ATP11B: variants seen among roughly 807,000 people sequenced by gnomAD.
ATP11B encodes the protein ATPase phospholipid transporting 11B (putative).
ATP11B carries 81 observed loss-of-function variants against 157.8 expected under a neutral mutation model. The ratio of observed to expected loss-of-function variants is 0.51; its 90% CI spans 0.43 to 0.62. ATP11B has a LOEUF of 0.62. Among genes scored for constraint, ATP11B ranks in the 20% least tolerant of loss-of-function variants. The pLI is 0.00. For synonymous variants in ATP11B, 451 were observed against 469.4 expected, an observed-to-expected ratio of 0.96 and a Z score of 0.51; for missense variants, 1,165 against 1,402.2, an observed-to-expected ratio of 0.83 and a Z score of 2.70.
chr3:182,865,963 G>A (rs1042148116), intron 13 of ATP11B, among the ~76,000 whole-genome samples: 4 of 152,132 alleles, frequency 2.6e-5, no homozygotes, highest in African/African-American at 9.7e-5. Flanking sequence ...GCCTTGAAGT[G>A]AAGAAGACTT....
intron 24 of ATP11B, among the ~76,000 whole-genome samples, chr3:182,888,859 T>C (rs1317316871): frequency 6.8e-5 from 5 of 73,952 alleles, no homozygotes; most frequent in African/African-American, 2.4e-4. Context: ...ATCATATTTC[T>C]TTTTTTTTTT....
chr3:182,913,606 A>G (rs1237552474), intron 28 of ATP11B, among the ~76,000 whole-genome samples: 1 of 152,324 alleles, frequency 6.6e-6, no homozygotes, highest in East Asian at 1.9e-4. Context: ...TTAAAAGTAG[A>G]TTTACATAAT....
intron 1 of ATP11B, among the ~76,000 whole-genome samples, chr3:182,805,760 C>G (rs143716726): frequency 6.6e-4 from 101 of 151,886 alleles, no homozygotes; most frequent in Non-Finnish European, 1.2e-3. Context: ...CGCACTGGGC[C>G]GCTTGTTTTT....
intron 10 of ATP11B, among the ~76,000 whole-genome samples, chr3:182,854,168 A>T (rs1720192326): frequency 6.6e-6 from 1 of 152,304 alleles, no homozygotes; most frequent in Non-Finnish European, 1.5e-5. Context: ...TAAAAGCTAA[A>T]ATTACAAAAC....
intron 17 of ATP11B, among the ~76,000 whole-genome samples, chr3:182,869,965 A>G (rs986413686): frequency 6.6e-6 from 1 of 152,226 alleles, no homozygotes; most frequent in African/African-American, 2.4e-5. Flanking sequence ...ACATGGACGA[A>G]TCTTGAAAAG....
At chr3:182,887,169 G>A (rs1365421906) in intron 23 of ATP11B, among the ~76,000 whole-genome samples, 3 of 152,166 alleles carry the variant, frequency 2.0e-5, no homozygotes, top group Non-Finnish European at 4.4e-5. Context: ...CTTGTTCAGT[G>A]CCTTAAAGGA....
chr3:182,818,889 A>G (rs1717132414), intron 1 of ATP11B, among the ~76,000 whole-genome samples: 2 of 150,920 alleles, frequency 1.3e-5, no homozygotes, highest in Non-Finnish European at 3.0e-5. Context: ...GCTTAGTAGT[A>G]CTAGTAAATA....
rs187627498 is a variant in ATP11B, at chr3:182,915,757, T to C, written c.3452+1763T>C. 4.5e-4 allele frequency: 443 copies of C among 985,320 alleles called. 2 individuals are homozygous for C. In the African/African-American group the frequency reaches 7.1e-3, roughly 16 times the overall value. 61.0% of individuals were successfully genotyped at this position (985,320 alleles called of 1,614,324 possible). A position where few individuals can be genotyped will look rare whatever the true frequency, so the allele number is the denominator to read the frequency against. On this transcript the variant is annotated intron_variant, in intron 29 of 29. Coordinates refer to ENST00000323116, the MANE Select transcript of ATP11B (RefSeq NM_014616.3). Reference sequence around the variant, plus strand: ...CATTTTGATGCAGCATTACCTCTTTTGAACCTGCCCCAGGAGTTATTGAAT... The same window carrying C: ...CATTTTGATGCAGCATTACCTCTTTCGAACCTGCCCCAGGAGTTATTGAAT...
intron 2 of ATP11B, among the ~76,000 whole-genome samples, chr3:182,826,642 C>T (rs1348433984): frequency 6.6e-6 from 1 of 152,168 alleles, no homozygotes; most frequent in Admixed American, 6.5e-5. Context: ...CTGCTGCCGC[C>T]ACTACTCAGG....
chr3:182,857,810 A>G (rs958025959), intron 10 of ATP11B, 68 bp from the exon 11 acceptor site: 3 of 999,808 alleles, frequency 3.0e-6, no homozygotes, highest in Non-Finnish European at 4.5e-6. Context: ...TACAAGTACT[A>G]ATTTTCAAGC....
chr3:182,812,119 T>C (rs1716705714), intron 1 of ATP11B, among the ~76,000 whole-genome samples: 5 of 152,204 alleles, frequency 3.3e-5, no homozygotes, highest in Admixed American at 3.3e-4. Context: ...TTTAATGTTG[T>C]TTAGAATTTT....
chr3:182,842,658 A>G (rs1247575597), intron 8 of ATP11B, among the ~76,000 whole-genome samples: 1 of 152,088 alleles, frequency 6.6e-6, no homozygotes, highest in Non-Finnish European at 1.5e-5. Flanking sequence ...CTTGGGGTGA[A>G]AGGAGGGCAG....
At chr3:182,854,201 G>A (rs1720194574) in intron 10 of ATP11B, among the ~76,000 whole-genome samples, 1 of 152,210 alleles carries the variant, frequency 6.6e-6, no homozygotes, top group Non-Finnish European at 1.5e-5. Flanking sequence ...TGGGCGCGGT[G>A]GCTCACACCA....
intron 28 of ATP11B, among the ~76,000 whole-genome samples, chr3:182,899,617 C>A (rs1723812526): frequency 6.6e-6 from 1 of 152,036 alleles, no homozygotes. Context: ...TTACATAGTG[C>A]TTAAGAATCT....
rs182946215 is a variant in ATP11B, at chr3:182,795,716, C to T, written c.27+1930C>T. Among the ~76,000 whole-genome samples the T allele has an allele frequency of 3.5e-4, 54 of 152,276 alleles. No individual in the cohort carries two copies. In the East Asian group the frequency reaches 9.6e-3, roughly 27 times the overall value. ...GTCTCTGGTTAAGTTTGTATGATCACATAAATTAAACATCAAGGACCCTGG... is the reference window on the plus strand; with the variant it reads ...GTCTCTGGTTAAGTTTGTATGATCATATAAATTAAACATCAAGGACCCTGG... On this transcript the variant is annotated intron_variant, in intron 1 of 29. Transcript: ENST00000323116.
intron 11 of ATP11B, 103 bp from the exon 12 acceptor site, chr3:182,859,059 G>T: frequency 1.4e-6 from 1 of 692,150 alleles, no homozygotes. Context: ...GAATATAGTT[G>T]ATGGTCTATG....
At position 182,916,470 on chromosome 3, in the gene ATP11B, A is replaced by G. The variant is rs951216941; in HGVS notation, c.3453-1553A>G. On this transcript the variant is annotated intron_variant, in intron 29 of 29. Coordinates refer to ENST00000323116, the MANE Select transcript of ATP11B (RefSeq NM_014616.3). ...TACATTTTATTAATTGATGTTGTCAATGAAGTATCCCATATTGCAAGCTCA... is the reference window on the plus strand; with the variant it reads ...TACATTTTATTAATTGATGTTGTCAGTGAAGTATCCCATATTGCAAGCTCA... The G allele has an allele frequency of 1.6e-5, 16 of 985,258 alleles. 1 individual carries two copies. The Admixed American group carries it at 3.1e-4, about 19-fold the overall frequency. 61.0% of individuals were successfully genotyped at this position (985,258 alleles called of 1,614,324 possible). A position where few individuals can be genotyped will look rare whatever the true frequency, so the allele number is the denominator to read the frequency against.
At chr3:182,850,890 G>C (rs1719924529) in intron 10 of ATP11B, among the ~76,000 whole-genome samples, 1 of 152,198 alleles carries the variant, frequency 6.6e-6, no homozygotes, top group South Asian at 2.1e-4. Flanking sequence ...AAAAAAAAAG[G>C]TATACATACC....
intron 26 of ATP11B, 53 bp downstream of exon 26, chr3:182,896,818 T>C (rs1346687151): frequency 7.5e-7 from 1 of 1,336,520 alleles, no homozygotes; most frequent in African/African-American, 1.5e-5. Flanking sequence ...TTTACATAGT[T>C]AGTTAACTTT....
Sources: gnomAD v4.1 joint callset for allele counts (sites outside exome capture counted in the v4.1 genomes callset) on GRCh38, gnomAD v4.1.1 for gene constraint, MANE v1.5 for transcripts, NCBI Gene and HGNC (gene_info 2026-07-23, HGNC 2026-07-21) for gene names.